The following TOP1MT variants were observed in gnomAD, a reference collection of about 807,000 sequenced individuals.
TOP1MT encodes DNA topoisomerase I mitochondrial, also known as DNA topoisomerase I, mitochondrial.
In TOP1MT, 80 loss-of-function variants were observed where a neutral mutation model predicts 73.9. The ratio of observed to expected loss-of-function variants is 1.08; its 90% CI spans 0.90 to 1.30. TOP1MT has a LOEUF of 1.30. Among genes scored for constraint, TOP1MT ranks in the 50% most tolerant of loss-of-function variants. The pLI is 0.00. For synonymous variants in TOP1MT, 338 were observed against 326.4 expected (o/e 1.04, Z -0.38); for missense variants, 815 against 808.0 (o/e 1.01, Z -0.10).
upstream of TOP1MT, among the ~76,000 whole-genome samples, chr8:143,339,836 TCC>T (rs1450899633): frequency 6.9e-6 from 1 of 144,312 alleles, no homozygotes; most frequent in African/African-American, 2.6e-5. Flanking sequence ...TACACAGCAT[TCC>T]CCCCGTCCCA....
At chr8:143,312,456 G>T (rs1816038463) in intron 12 of TOP1MT, among the ~76,000 whole-genome samples, 1 of 151,886 alleles carries the variant, frequency 6.6e-6, no homozygotes, top group Non-Finnish European at 1.5e-5. Context: ...TATAAGGAAG[G>T]GACAAAAACA....
intron 2 of TOP1MT, 121 bp downstream of exon 2, chr8:143,331,103 A>C: frequency 1.4e-6 from 1 of 720,238 alleles, no homozygotes; most frequent in Non-Finnish European, 2.3e-6. Flanking sequence ...AGAAGAGGGC[A>C]CAGAGCGCTC....
rs757049643 is a variant in TOP1MT at position 143,324,526 on chromosome 8, A to G, written c.775T>C (p.Ser259Pro). ...GGGTTCAGCATGATGTACTTGATGG[A>G]GTTCTGAACGCTCTCGGTCCAAGCT... ...LAAWTESVQNSIKYIMLNPCS... is the reference protein window; with the variant it reads ...LAAWTESVQNPIKYIMLNPCS... The change falls in exon 6 of 14, where the codon TCC (serine) becomes CCC (proline). Residue 259 changes from serine (S) to proline (P), a missense_variant. Transcript: ENST00000329245. The G allele has an allele frequency of 1.9e-6, 3 of 1,613,766 alleles. No individual in the cohort carries two copies. In the South Asian group the frequency reaches 3.3e-5, roughly 18 times the overall value.
chr8:143,341,135 C>T lies in TOP1MT; in HGVS notation c.29+2085G>A, dbSNP rs113756383. Among the ~76,000 whole-genome samples, 2,963 of 152,324 alleles carry T rather than the reference C, an allele frequency of 0.019. 42 individuals carry two copies. The highest frequency in any genetic ancestry group is 0.037 in the African/African-American group (1,528 of 41,576). Reference sequence around the variant, plus strand: ...TCAGGCTTGCCCCTAGCGTCCCCGCCACCCTCTTCTCGTGCTGCCGCCCCA... The same window carrying T: ...TCAGGCTTGCCCCTAGCGTCCCCGCTACCCTCTTCTCGTGCTGCCGCCCCA... On this transcript the variant is annotated intron_variant, in intron 2 of 5. Coordinates refer to the TOP1MT transcript ENST00000518007. This position sits in a 1 kb window ranked among gnomAD's most constrained non-coding sequence, Gnocchi z 4.1.
At chr8:143,339,588 C>A (rs34858080), upstream of TOP1MT, among the ~76,000 whole-genome samples, 10,282 of 152,316 alleles carry the variant, frequency 0.068, 448 homozygotes, top group Non-Finnish European at 0.092. Context: ...CAACCCACAG[C>A]TCAAAGCTGC....
chr8:143,358,314 T>C (rs1357793396), upstream of TOP1MT, among the ~76,000 whole-genome samples: 3 of 152,190 alleles, frequency 2.0e-5, no homozygotes, highest in African/African-American at 4.8e-5. Flanking sequence ...GCCAAAATGA[T>C]GTTTTTGACA....
chr8:143,348,792 G>A (rs765132694), upstream of TOP1MT, among the ~76,000 whole-genome samples: 3 of 152,168 alleles, frequency 2.0e-5, no homozygotes, highest in Non-Finnish European at 2.9e-5. This position sits in a 1 kb window ranked among gnomAD's most constrained non-coding sequence, Gnocchi z 4.6. Context: ...GCCAGAAAAC[G>A]GCCCTTGGTC....
At chr8:143,358,579 C>T (rs1024850409), upstream of TOP1MT, 2 of 152,264 alleles carry the variant, frequency 1.3e-5, no homozygotes, top group Non-Finnish European at 2.9e-5. Context: ...TTTGCTACCT[C>T]TTGAGAGCAA....
intron 8 of TOP1MT, 94 bp downstream of exon 8, chr8:143,321,107 G>A (rs549976775): frequency 1.6e-5 from 22 of 1,343,614 alleles, no homozygotes; most frequent in Admixed American, 4.6e-5. Context: ...CGTGGCAAAC[G>A]GGCCACAGAC....
At chr8:143,315,667 TG>T in intron 12 of TOP1MT, 59 bp downstream of exon 12, 1 of 1,385,686 alleles carries the variant, frequency 7.2e-7, no homozygotes. Flanking sequence ...CCTGTGGGGC[TG>T]GACCCTACGG....
chr8:143,343,085 C>A, intron 2 of TOP1MT: 1 of 433,644 alleles, frequency 2.3e-6, no homozygotes, highest in South Asian at 1.6e-5. Context: ...ACCATAAAAT[C>A]TTAGAAGAAA....
intron 7 of TOP1MT, 43 bp from the exon 8 acceptor site, chr8:143,321,429 G>A (rs762741980): frequency 1.1e-5 from 17 of 1,505,946 alleles, no homozygotes; most frequent in Middle Eastern, 2.1e-4. Context: ...GCGTGCACAC[G>A]CACGCCACAC....
chr8:143,333,489 A>G (rs1816913253), intron 1 of TOP1MT, among the ~76,000 whole-genome samples: 1 of 152,152 alleles, frequency 6.6e-6, no homozygotes, highest in Non-Finnish European at 1.5e-5. Context: ...ACTGACAGTG[A>G]CCCTGACTGC....
rs761422272 is a variant in TOP1MT at position 143,309,419 on chromosome 8, G to C, written c.*22C>G. 6.2e-7 allele frequency: 1 copy of C among 1,610,806 alleles called. No individual in the cohort carries two copies. Among genetic ancestry groups the C allele is most frequent in the South Asian group, 1.1e-5 (1 of 91,046 alleles). On this transcript the variant is annotated 3_prime_UTR_variant, in exon 14 of 14. Transcript: ENST00000329245. ...GAAAAAAACACACACACATACAAAA[G>C]AAGTTTCAACACGGCTCGTCGTTAG...
In TOP1MT at chr8:143,326,317, T is replaced by A. The variant is rs757263295; in HGVS notation, c.388A>T (p.Ile130Phe). 6.2e-7 allele frequency: 1 copy of A among 1,614,044 alleles called. No homozygotes were observed. Among genetic ancestry groups the A allele is most frequent in the South Asian group, 1.1e-5 (1 of 91,084 alleles). ...KEMAVEEREV[I>F]KSLDKCDFTE... is the part of the protein sequence containing the mutation. ...AAGTCACACTTGTCCAGGCTCTTGA[T>A]GACTTCCCTCTCTTCCACCGCCATT... The change falls in exon 4 of 14, where the codon ATC becomes TTC. Residue 130 changes from isoleucine to phenylalanine, a missense_variant. Around this residue, in one of 3 missense-constraint regions of TOP1MT, gnomAD observed 751 missense variants for 725.4 expected, o/e 1.04. Coordinates refer to ENST00000329245, the MANE Select transcript of TOP1MT (RefSeq NM_052963.3).
chr8:143,310,726 C>T (rs536546813), intron 12 of TOP1MT, among the ~76,000 whole-genome samples: 14 of 152,196 alleles, frequency 9.2e-5, no homozygotes, highest in South Asian at 2.1e-4. Context: ...CACAAACACT[C>T]GAATGTGCGT....
intron 2 of TOP1MT, among the ~76,000 whole-genome samples, chr8:143,342,247 GAC>G (rs1817111015): frequency 7.5e-6 from 1 of 133,372 alleles, no homozygotes; most frequent in African/African-American, 3.5e-5. Context: ...TATTATTAGA[GAC>G]AGAGTCTCGC....
chr8:143,322,519 A>AACAGGCGCGCCAC (rs1816480996), intron 7 of TOP1MT, among the ~76,000 whole-genome samples: 1 of 76,022 alleles, frequency 1.3e-5, no homozygotes, highest in Non-Finnish European at 2.4e-5. Context: ...CACGCCACAC[A>AACAGGCGCGCCAC]ACAGGCACGC....
chr8:143,319,189 G>A (rs961045398), intron 8 of TOP1MT, among the ~76,000 whole-genome samples: 1 of 152,176 alleles, frequency 6.6e-6, no homozygotes, highest in Non-Finnish European at 1.5e-5. Context: ...GGCCCTGCCA[G>A]GGACTCCTGT....
Sources: allele counts gnomAD v4.1 joint callset (sites outside exome capture counted in the v4.1 genomes callset), GRCh38; gene constraint gnomAD v4.1.1; regional missense constraint gnomAD v4.1.1; non-coding constraint Gnocchi (gnomAD v3.1); transcripts MANE v1.5; gene names NCBI Gene and HGNC (gene_info 2026-07-23, HGNC 2026-07-21).